Variants in RBFOX3 observed in about 807,000 individuals in gnomAD.
The protein encoded by RBFOX3 is RNA binding protein fox-1 homolog 3.
A neutral mutation model predicts 48.7 loss-of-function variants in RBFOX3; 17 were observed. That is an observed-to-expected ratio of 0.35 (90% confidence interval 0.24 to 0.52). The LOEUF (loss-of-function observed/expected upper bound fraction) is 0.52, where lower values mean the gene tolerates loss of function less well. Among genes scored for constraint, RBFOX3 ranks in the 20% least tolerant of loss-of-function variants. RBFOX3 has a pLI of 0.94. For missense variants in RBFOX3, 382 were observed against 497.5 expected, an observed-to-expected ratio of 0.77 and a Z score of 2.21; for synonymous variants, 212 against 209.5, an observed-to-expected ratio of 1.01 and a Z score of -0.10.
the RBFOX3 span, among the ~76,000 whole-genome samples, chr17:79,644,081 G>T: frequency 6.6e-6 from 1 of 152,112 alleles, no homozygotes; most frequent in Non-Finnish European, 1.5e-5. Flanking sequence ...ACAACTTTAT[G>T]CCAATACATT....
Position 79,111,321 on chromosome 17 carries a change from G to A in RBFOX3, c.222+4173C>T, listed in dbSNP as rs2031367180. Among the ~76,000 whole-genome samples, 1 of 152,146 alleles carries A rather than the reference G, an allele frequency of 6.6e-6. No homozygotes were observed. Among genetic ancestry groups the A allele is most frequent in the Non-Finnish European group, 1.5e-5 (1 of 68,016 alleles). ...GGCCCACGTGGGGTCCCTTCTGGCAGGTGGAGGAGCCCACGTGGGCTCTGG... is the reference window on the plus strand; with the variant it reads ...GGCCCACGTGGGGTCCCTTCTGGCAAGTGGAGGAGCCCACGTGGGCTCTGG... On this transcript the variant is annotated intron_variant, in intron 5 of 14. Coordinates refer to ENST00000693108, the MANE Select transcript of RBFOX3 (RefSeq NM_001350451.2). This position sits in a 1 kb window ranked among gnomAD's most constrained non-coding sequence, Gnocchi z 4.2.
upstream of RBFOX3, among the ~76,000 whole-genome samples, chr17:79,611,342 C>A (rs1333566281): frequency 6.6e-6 from 1 of 151,542 alleles, no homozygotes; most frequent in Non-Finnish European, 1.5e-5. Context: ...GTCGCGCGGC[C>A]GGGGAGGGCG....
intron 2 of RBFOX3, among the ~76,000 whole-genome samples, chr17:79,476,420 A>G (rs2077769091): frequency 3.9e-5 from 6 of 152,236 alleles, no homozygotes; most frequent in Non-Finnish European, 8.8e-5. Context: ...TTTATCCTTC[A>G]GCCAACAAGT....
intron 4 of RBFOX3, among the ~76,000 whole-genome samples, chr17:79,143,847 G>A (rs1212286315): frequency 6.6e-6 from 1 of 152,204 alleles, no homozygotes; most frequent in Non-Finnish European, 1.5e-5. Flanking sequence ...GAGGACCCCC[G>A]ACCTGCAGTG....
intron 2 of RBFOX3, among the ~76,000 whole-genome samples, chr17:79,312,199 C>T (rs2076943523): frequency 6.6e-6 from 1 of 150,580 alleles, no homozygotes; most frequent in Admixed American, 6.6e-5. Context: ...GAATTAGGCA[C>T]ACCAGGAGAA....
intron 2 of RBFOX3, among the ~76,000 whole-genome samples, chr17:79,343,332 C>T (rs1406611365): frequency 7.2e-5 from 11 of 152,046 alleles, no homozygotes; most frequent in South Asian, 2.1e-4. Flanking sequence ...TTGAGACCAA[C>T]GTGATGAAAC....
At chr17:79,126,215 G>A (rs1599554916) in intron 4 of RBFOX3, among the ~76,000 whole-genome samples, 1 of 152,262 alleles carries the variant, frequency 6.6e-6, no homozygotes, top group African/African-American at 2.4e-5. Context: ...TCTGGTGTGA[G>A]GAGGGGGCTT....
At chr17:79,326,805 G>A (rs1341305111) in intron 2 of RBFOX3, among the ~76,000 whole-genome samples, 1 of 152,228 alleles carries the variant, frequency 6.6e-6, no homozygotes, top group East Asian at 1.9e-4. Context: ...CTCTAGAAAA[G>A]ACAGCTACAA....
At chr17:79,383,252 C>A (rs1324560836) in intron 2 of RBFOX3, among the ~76,000 whole-genome samples, 2 of 152,214 alleles carry the variant, frequency 1.3e-5, no homozygotes, top group Non-Finnish European at 2.9e-5. Context: ...CCTCCTTCAC[C>A]CAGGTTGTCC....
chr17:79,528,379 C>T (rs1228019207), intron 1 of RBFOX3, among the ~76,000 whole-genome samples: 1 of 142,370 alleles, frequency 7.0e-6, no homozygotes, highest in Non-Finnish European at 1.5e-5. Flanking sequence ...TTAGTTGAAC[C>T]TCTGAGGTAT....
At chr17:79,604,658 T>C (rs2093786280) in intron 1 of RBFOX3, among the ~76,000 whole-genome samples, 1 of 152,156 alleles carries the variant, frequency 6.6e-6, no homozygotes, top group Non-Finnish European at 1.5e-5. Flanking sequence ...TAATTTGCAT[T>C]AAGAGTTTGG....
rs1439804468 is a variant in RBFOX3, at chr17:79,361,995, C to T, written c.-174-54171G>A. 6.6e-6 allele frequency among the ~76,000 whole-genome samples: 1 copy of T among 152,196 alleles called. No homozygotes were observed. The highest frequency in any genetic ancestry group is 1.5e-5 in the Non-Finnish European group (1 of 68,044). On this transcript the variant is annotated intron_variant, in intron 2 of 14. Coordinates refer to ENST00000693108, the MANE Select transcript of RBFOX3 (RefSeq NM_001350451.2). This position sits in a 1 kb window ranked among gnomAD's most constrained non-coding sequence, Gnocchi z 4.5. ...GTGTTGGCTCTTCTCCGAGATTCTTCGAGTCTCTCTGTAAATAATACAGCT... is the reference window on the plus strand; with the variant it reads ...GTGTTGGCTCTTCTCCGAGATTCTTTGAGTCTCTCTGTAAATAATACAGCT...
intron 1 of RBFOX3, among the ~76,000 whole-genome samples, chr17:79,595,492 T>C (rs2093544723): frequency 6.6e-6 from 1 of 152,192 alleles, no homozygotes; most frequent in African/African-American, 2.4e-5. Flanking sequence ...TCCACGAAAA[T>C]GGACTGTGGG....
At chr17:79,399,819 G>C (rs1223653148) in intron 2 of RBFOX3, among the ~76,000 whole-genome samples, 1 of 152,240 alleles carries the variant, frequency 6.6e-6, no homozygotes, top group Non-Finnish European at 1.5e-5. Flanking sequence ...TTCAGCAAGC[G>C]TGAACGCGCC....
chr17:79,429,436 G>A (rs1237762456), intron 2 of RBFOX3, among the ~76,000 whole-genome samples: 1 of 152,240 alleles, frequency 6.6e-6, no homozygotes, highest in Non-Finnish European at 1.5e-5. Context: ...GAGGAGAAGA[G>A]ATGCAGGCAG....
rs151301676 is a variant in RBFOX3, at chr17:79,368,165, G to C, written c.-174-60341C>G. ...TCTTTCCTTCCACGGGATCCCACGG[G>C]ATGGGTTCTCTTACAGAACAACTTT... On this transcript the variant is annotated intron_variant, in intron 2 of 14. Coordinates refer to ENST00000693108, the MANE Select transcript of RBFOX3 (RefSeq NM_001350451.2). Among the ~76,000 whole-genome samples the C allele has an allele frequency of 3.5e-3, 531 of 152,288 alleles. 4 individuals carry two copies. Among genetic ancestry groups the C allele is most frequent in the African/African-American group, 0.013 (524 of 41,544 alleles).
chr17:79,547,380 C>T (rs1330599652), intron 1 of RBFOX3, among the ~76,000 whole-genome samples: 3 of 152,120 alleles, frequency 2.0e-5, no homozygotes, highest in African/African-American at 7.2e-5. Context: ...GCTTGAATCC[C>T]AGAGGCGGAG....
At chr17:79,540,471 T>C (rs1336571773) in intron 1 of RBFOX3, among the ~76,000 whole-genome samples, 1 of 152,166 alleles carries the variant, frequency 6.6e-6, no homozygotes, top group Non-Finnish European at 1.5e-5. Flanking sequence ...CCCAGAATCC[T>C]CCTCAGCGTG....
chr17:79,198,550 G>A lies in RBFOX3; in HGVS notation c.-34+37216C>T, dbSNP rs1490071976. On this transcript the variant is annotated intron_variant, in intron 4 of 14. Transcript: ENST00000693108. This position sits in a 1 kb window ranked among gnomAD's most constrained non-coding sequence, Gnocchi z 8.2. ...GAGAAGTTCACAGACTTTCCAGGAT[G>A]TATTGCCCATGCCACTCGTCACTCT... Among the ~76,000 whole-genome samples the A allele has an allele frequency of 1.3e-5, 2 of 152,186 alleles. No homozygotes were observed. The highest frequency in any genetic ancestry group is 2.9e-5 in the Non-Finnish European group (2 of 68,020).
Sources: allele counts gnomAD v4.1 joint callset (sites outside exome capture counted in the v4.1 genomes callset), GRCh38; gene constraint gnomAD v4.1.1; non-coding constraint Gnocchi (gnomAD v3.1); transcripts MANE v1.5; gene names NCBI Gene and HGNC (gene_info 2026-07-23, HGNC 2026-07-21).